Variants in FAS observed in about 807,000 individuals in gnomAD.
FAS encodes the protein Fas cell surface death receptor.
Under a neutral mutation model 33.2 loss-of-function variants are expected in FAS, and 5 were observed. The observed-to-expected ratio is 0.15, with a 90% CI of 0.08 to 0.32. The LOEUF (loss-of-function observed/expected upper bound fraction) is 0.32, where lower values mean the gene tolerates loss of function less well. Ranked by LOEUF, FAS falls within the 10% of genes least tolerant of loss-of-function variation. The probability of loss-of-function intolerance (pLI) is 1.00; values close to 1 mark genes in which losing one functional copy is unlikely to be tolerated. For synonymous variants in FAS, 131 were observed against 130.7 expected (o/e 1.00, Z -0.01); for missense variants, 339 against 386.0 (o/e 0.88, Z 1.02).
At chr10:88,979,863 T>C in intron 2 of FAS, among the ~76,000 whole-genome samples, 1 of 152,156 alleles carries the variant, frequency 6.6e-6, no homozygotes, top group South Asian at 2.1e-4. Context: ...ACACACCTCC[T>C]CACACATGTG....
rs762328351 is a variant in FAS at position 89,014,333 on chromosome 10, T to A, written c.891T>A (p.Asp297Glu). The A allele has an allele frequency of 1.2e-6, 2 of 1,613,762 alleles. No individual in the cohort carries two copies. The highest frequency in any genetic ancestry group is 2.7e-5 in the African/African-American group (2 of 74,896). Reference protein sequence around the residue: ...KKEAYDTLIKDLKKANLCTLA... With the variant: ...KKEAYDTLIKELKKANLCTLA... ...AAGCGTATGACACATTGATTAAAGA[T>A]CTCAAAAAAGCCAATCTTTGTACTC... The change falls in exon 9 of 9, where the codon GAT becomes GAA. Residue 297 changes from aspartate (D) to glutamate (E), a missense_variant. Asp to Glu is a conservative substitution (Grantham distance 45). Coordinates refer to ENST00000652046, the MANE Select transcript of FAS (RefSeq NM_000043.6).
At chr10:88,981,837 C>T (rs1197051981), upstream of FAS, among the ~76,000 whole-genome samples, 1 of 152,200 alleles carries the variant, frequency 6.6e-6, no homozygotes, top group Non-Finnish European at 1.5e-5. Flanking sequence ...GGCAAACCGT[C>T]CCATTCACTA....
intron 4 of FAS, among the ~76,000 whole-genome samples, 194 bp downstream of exon 4, chr10:89,009,191 AG>A (rs1848404097): frequency 6.6e-6 from 1 of 152,192 alleles, no homozygotes; most frequent in Non-Finnish European, 1.5e-5. Context: ...TGGCCACTTA[AG>A]CTAAAGATAT....
chr10:89,005,270 A>G (rs529176375), intron 2 of FAS, among the ~76,000 whole-genome samples: 1 of 152,262 alleles, frequency 6.6e-6, no homozygotes, highest in Non-Finnish European at 1.5e-5. Flanking sequence ...GTGATGCATT[A>G]TGGATGTGAC....
upstream of FAS, among the ~76,000 whole-genome samples, chr10:88,982,139 G>C (rs189717085): frequency 6.6e-6 from 1 of 152,224 alleles, no homozygotes; most frequent in Non-Finnish European, 1.5e-5. Context: ...ACAGCTTACT[G>C]GTTGGGTGAC....
In FAS at chr10:89,012,008, A is replaced by G. The variant is rs150489856; in HGVS notation, c.578A>G (p.Lys193Arg). Residue 193 changes from lysine to arginine, a missense_variant, in exon 7 of 9, where the codon AAG becomes AGG. By Grantham distance (26) the Lys-to-Arg change is conservative. Transcript: ENST00000652046. ...PIPLIVWVKR[K>R]EVQKTCRKHR... ...TTCTTTGTTCTTTCAGTGAAGAGAA[A>G]GGAAGTACAGAAAACATGCAGAAAG... The G allele has an allele frequency of 1.4e-4, 234 of 1,613,926 alleles. 1 individual carries two copies. The highest frequency in any genetic ancestry group is 4.7e-4 in the Admixed American group (28 of 60,012).
upstream of FAS, among the ~76,000 whole-genome samples, chr10:88,982,206 CAAT>C (rs1401919798): frequency 6.6e-6 from 1 of 152,060 alleles, no homozygotes; most frequent in East Asian, 1.9e-4. Context: ...ATTGTGCACA[CAAT>C]AAGAAGACCT....
intron 1 of FAS, among the ~76,000 whole-genome samples, chr10:88,993,400 A>C (rs948441949): frequency 6.6e-6 from 1 of 151,984 alleles, no homozygotes; most frequent in African/African-American, 2.4e-5. Context: ...CAGCTTGCTA[A>C]TTGAAGGGAT....
intron 2 of FAS, chr10:88,973,484 T>C: frequency 1.7e-5 from 13 of 781,036 alleles, no homozygotes; most frequent in Non-Finnish European, 2.4e-5. Flanking sequence ...TGATTATCAG[T>C]TTCTCAAGTA....
chr10:88,980,056 C>G (rs941480681), intron 2 of FAS, among the ~76,000 whole-genome samples: 1 of 152,252 alleles, frequency 6.6e-6, no homozygotes, highest in Non-Finnish European at 1.5e-5. Flanking sequence ...ATAAAGTGGA[C>G]TTCTTTCCAC....
At chr10:88,990,789 C>T (rs1365258236), upstream of FAS, 4 of 1,570,172 alleles carry the variant, frequency 2.5e-6, no homozygotes, top group East Asian at 2.2e-5. The surrounding 1 kb of genome is among the most constrained non-coding windows in gnomAD (Gnocchi z 4.9). Flanking sequence ...GCTGCCCAGG[C>T]GGAGCTGCCT....
At chr10:88,967,448 G>A (rs989114555) in intron 1 of FAS, among the ~76,000 whole-genome samples, 4 of 152,134 alleles carry the variant, frequency 2.6e-5, no homozygotes, top group South Asian at 2.1e-4. Flanking sequence ...ATCAGGTGGC[G>A]ATGAGGACAG....
intron 3 of FAS, 95 bp downstream of exon 3, chr10:89,007,932 C>A: frequency 6.4e-7 from 1 of 1,571,248 alleles, no homozygotes; most frequent in South Asian, 1.1e-5. Flanking sequence ...TACTGTGGTG[C>A]TATGTTGACA....
Position 89,014,783 on chromosome 10 carries a change from T to C in FAS, c.*333T>C, listed in dbSNP as rs1848714546. On this transcript the variant is annotated 3_prime_UTR_variant, in exon 9 of 9. Transcript: ENST00000652046. ...TATGAATGTAATCAGTGTATGTTAG[T>C]ACAAATGTCTATCCACAGGCTAACC... The C allele has an allele frequency of 3.6e-6, 2 of 557,348 alleles. No homozygotes were observed. Among genetic ancestry groups the C allele is most frequent in the Non-Finnish European group, 6.8e-6 (2 of 292,880 alleles). 34.5% of individuals were successfully genotyped at this position (557,348 alleles called of 1,614,324 possible).
At chr10:89,000,159 G>T (rs2147419) in intron 1 of FAS, among the ~76,000 whole-genome samples, 115,851 of 152,006 alleles carry the variant, frequency 0.76, 44,428 homozygotes, top group East Asian at 0.98. Flanking sequence ...TATATCCGAT[G>T]AAACAGAGGT....
intron 1 of FAS, chr10:88,992,620 T>C (rs1051395418): frequency 6.6e-6 from 1 of 152,234 alleles, no homozygotes; most frequent in Non-Finnish European, 1.5e-5. Flanking sequence ...GTATAACTTA[T>C]ATTTGTATAT....
In FAS at chr10:89,015,830, G is replaced by C. The variant is rs1848783601; in HGVS notation, c.*1380G>C. The C allele has an allele frequency of 2.3e-6, 1 of 433,294 alleles. No individual in the cohort carries two copies. Among genetic ancestry groups the C allele is most frequent in the Admixed American group, 3.2e-5 (1 of 31,068 alleles). 26.8% of individuals were successfully genotyped at this position (433,294 alleles called of 1,614,324 possible). ...TGGTAGGGGCTTGCTTTTTGGTTTTGTCTTCCTTTTCTCTAACTGATGCTA... is the reference window on the plus strand; with the variant it reads ...TGGTAGGGGCTTGCTTTTTGGTTTTCTCTTCCTTTTCTCTAACTGATGCTA... On this transcript the variant is annotated 3_prime_UTR_variant, in exon 9 of 9. Transcript: ENST00000652046.
rs750310412 is a variant in FAS at position 89,012,084 on chromosome 10, AG to A, written c.651+5del. ...ATGAATCTCCAACTTTAAATCCTGTAGGTATTGAAATAGGTATCAGCTTTCC... is the reference window on the plus strand; with the variant it reads ...ATGAATCTCCAACTTTAAATCCTGTAGTATTGAAATAGGTATCAGCTTTCC... On this transcript the variant is annotated splice_donor_region_variant and intron_variant, in intron 7 of 8. Transcript: ENST00000652046. 1 of 1,609,890 alleles carries A rather than the reference AG, an allele frequency of 6.2e-7. No individual in the cohort carries two copies. The highest frequency in any genetic ancestry group is 8.5e-7 in the Non-Finnish European group (1 of 1,176,244).
At chr10:89,002,326 T>C (rs907890093) in intron 1 of FAS, among the ~76,000 whole-genome samples, 1 of 152,240 alleles carries the variant, frequency 6.6e-6, no homozygotes, top group Non-Finnish European at 1.5e-5. Flanking sequence ...CTCTGTGTAA[T>C]CTGTCACCTG....
Sources: gnomAD v4.1 joint callset for allele counts (sites outside exome capture counted in the v4.1 genomes callset) on GRCh38, gnomAD v4.1.1 for gene constraint, Gnocchi (gnomAD v3.1) non-coding constraint, MANE v1.5 for transcripts, NCBI Gene and HGNC (gene_info 2026-07-23, HGNC 2026-07-21) for gene names.